AKT3: variants seen among roughly 807,000 people sequenced by gnomAD.
The protein encoded by AKT3 is RAC-gamma serine/threonine-protein kinase.
In AKT3, 15 loss-of-function variants were observed where a neutral mutation model predicts 65.3. The ratio of observed to expected loss-of-function variants is 0.23; its 90% CI spans 0.15 to 0.35. The LOEUF is 0.35. Among genes scored for constraint, AKT3 ranks in the 10% least tolerant of loss-of-function variants. The pLI, the probability that AKT3 is intolerant of heterozygous loss-of-function variation, is 1.00. For missense variants in AKT3, 243 were observed against 576.5 expected (o/e 0.42, Z 5.92); for synonymous variants, 206 against 183.8 (o/e 1.12, Z -0.98).
intron 2 of AKT3, among the ~76,000 whole-genome samples, chr1:243,760,545 T>TA (rs550342211): frequency 2.2e-4 from 33 of 152,282 alleles, no homozygotes; most frequent in Middle Eastern, 3.4e-3. Context: ...TTATTTGTGA[T>TA]AAAAAATCTG....
chr1:243,578,461 C>T (rs1164576659), intron 8 of AKT3, among the ~76,000 whole-genome samples: 3 of 152,278 alleles, frequency 2.0e-5, no homozygotes, highest in African/African-American at 4.8e-5. Context: ...CTTGTTCTCA[C>T]TCATAAGTGG....
rs145548374 is a variant in AKT3, at chr1:243,698,338, T to G, written c.47-2622A>C. 1.5e-3 allele frequency among the ~76,000 whole-genome samples: 230 copies of G among 152,070 alleles called. 1 individual carries two copies. The highest frequency in any genetic ancestry group is 5.3e-3 in the African/African-American group (222 of 41,564). On this transcript the variant is annotated intron_variant, in intron 2 of 13. Coordinates refer to ENST00000673466, the MANE Select transcript of AKT3 (RefSeq NM_005465.7). Reference sequence around the variant, plus strand: ...AAATGAATCAGATCCATTTGAAAAATACAAAAGAAAACACGGAATAACACC... The same window carrying G: ...AAATGAATCAGATCCATTTGAAAAAGACAAAAGAAAACACGGAATAACACC...
At chr1:243,725,225 G>C (rs1687138864) in intron 2 of AKT3, among the ~76,000 whole-genome samples, 1 of 151,718 alleles carries the variant, frequency 6.6e-6, no homozygotes, top group Non-Finnish European at 1.5e-5. Context: ...AAAAAGAAAT[G>C]AAACTGCAAT....
chr1:243,790,936 C>T lies in AKT3; in HGVS notation c.46+52189G>A, dbSNP rs550585939. 1.4e-3 allele frequency among the ~76,000 whole-genome samples: 209 copies of T among 152,226 alleles called. 1 individual carries two copies. The highest frequency in any genetic ancestry group is 2.4e-3 in the Admixed American group (37 of 15,276). ...TGCCCCAAAACAATTACAACAGTAA[C>T]ATCAAAGATCACTGATCATAGGTCA... is the stretch of plus-strand genomic sequence containing the variant. On this transcript the variant is annotated intron_variant, in intron 2 of 13. Coordinates refer to ENST00000673466, the MANE Select transcript of AKT3 (RefSeq NM_005465.7).
chr1:243,763,150 G>A (rs747383980), intron 2 of AKT3, among the ~76,000 whole-genome samples: 2 of 151,778 alleles, frequency 1.3e-5, no homozygotes, highest in Non-Finnish European at 2.9e-5. Context: ...ACTGAAATTC[G>A]CATACATTTT....
At chr1:243,807,599 C>T (rs1692825532) in intron 2 of AKT3, among the ~76,000 whole-genome samples, 4 of 152,230 alleles carry the variant, frequency 2.6e-5, no homozygotes, top group African/African-American at 9.6e-5. Flanking sequence ...TAGACTCCAC[C>T]TCTGGGGGCA....
intron 6 of AKT3, among the ~76,000 whole-genome samples, chr1:243,636,915 AG>A (rs1680015559): frequency 6.6e-6 from 1 of 152,166 alleles, no homozygotes; most frequent in East Asian, 1.9e-4. Flanking sequence ...AATACACTCC[AG>A]ATGAGGAAAC....
chr1:243,523,653 C>A (rs1216492685), intron 12 of AKT3, among the ~76,000 whole-genome samples: 1 of 152,132 alleles, frequency 6.6e-6, no homozygotes, highest in South Asian at 2.1e-4. Context: ...TCAACCACCA[C>A]CCAATTAATT....
intron 2 of AKT3, among the ~76,000 whole-genome samples, chr1:243,810,078 C>G (rs560727935): frequency 1.6e-4 from 24 of 152,126 alleles, no homozygotes; most frequent in Non-Finnish European, 2.9e-4. Flanking sequence ...CAAGAGAAAG[C>G]AGGAAAGATC....
intron 8 of AKT3, among the ~76,000 whole-genome samples, chr1:243,585,790 G>A (rs1191158213): frequency 2.0e-5 from 3 of 152,044 alleles, no homozygotes; most frequent in Non-Finnish European, 4.4e-5. Context: ...AAGAATCCTA[G>A]AAGAAAATCT....
intron 6 of AKT3, among the ~76,000 whole-genome samples, chr1:243,633,370 CTGTAAGT>C (rs1679748484): frequency 6.6e-6 from 1 of 152,116 alleles, no homozygotes; most frequent in Non-Finnish European, 1.5e-5. Context: ...GCTAGTATTA[CTGTAAGT>C]TTGTGTTGTA....
chr1:243,556,938 T>G (rs932870925), intron 10 of AKT3, among the ~76,000 whole-genome samples: 1 of 152,170 alleles, frequency 6.6e-6, no homozygotes. Flanking sequence ...ATATATTTTA[T>G]AACTATTTCT....
At chr1:243,518,008 T>G (rs1371747145) in intron 12 of AKT3, among the ~76,000 whole-genome samples, 1 of 152,226 alleles carries the variant, frequency 6.6e-6, no homozygotes, top group Non-Finnish European at 1.5e-5. Context: ...GTGTACCTTT[T>G]TAGAGATCAG....
intron 5 of AKT3, among the ~76,000 whole-genome samples, chr1:243,643,940 CA>C (rs1680623170): frequency 6.6e-6 from 1 of 152,112 alleles, no homozygotes; most frequent in Admixed American, 6.5e-5. Flanking sequence ...ATGAAAATGA[CA>C]GTAATATTTT....
Position 243,850,065 on chromosome 1 carries a change from G to A in AKT3, c.-138C>T. On this transcript the variant is annotated 5_prime_UTR_variant, in exon 1 of 14. Coordinates refer to ENST00000673466, the MANE Select transcript of AKT3 (RefSeq NM_005465.7). Reference sequence around the variant, plus strand: ...CTGCAACGGCGGCGGCGGCGGTGGCGGCCCCGCAGCTGCTCGGGCGGCGGC... The same window carrying A: ...CTGCAACGGCGGCGGCGGCGGTGGCAGCCCCGCAGCTGCTCGGGCGGCGGC... 1.0e-6 allele frequency: 1 copy of A among 973,656 alleles called. No individual in the cohort carries two copies. The highest frequency in any genetic ancestry group is 1.2e-6 in the Non-Finnish European group (1 of 821,184). The allele number at this position is 973,656 out of a possible 1,614,324, so 60.3% of individuals were successfully genotyped here. A position where few individuals can be genotyped will look rare whatever the true frequency, so the allele number is the denominator to read the frequency against.
chr1:243,516,476 G>C (rs1670362297), intron 12 of AKT3, among the ~76,000 whole-genome samples: 2 of 151,966 alleles, frequency 1.3e-5, no homozygotes, highest in African/African-American at 4.8e-5. Context: ...CTATTTCATT[G>C]ATTGCTATCC....
At chr1:243,639,891 C>G (rs549767371) in intron 5 of AKT3, among the ~76,000 whole-genome samples, 12 of 152,270 alleles carry the variant, frequency 7.9e-5, no homozygotes, top group African/African-American at 2.9e-4. Context: ...AGCCAAGAAC[C>G]CATGTGGTCT....
At chr1:243,620,261 G>A (rs774306738) in intron 6 of AKT3, among the ~76,000 whole-genome samples, 2 of 98,260 alleles carry the variant, frequency 2.0e-5, no homozygotes, top group Non-Finnish European at 2.8e-5. Context: ...CTTCCATCAT[G>A]ACTGTAAGTT....
At chr1:243,552,679 A>G in intron 11 of AKT3, 50 bp downstream of exon 11, 1 of 1,531,566 alleles carries the variant, frequency 6.5e-7, no homozygotes, top group African/African-American at 1.4e-5. Flanking sequence ...CCATATCTCA[A>G]TTTTTAACCA....
Sources: gnomAD v4.1 joint callset for allele counts (sites outside exome capture counted in the v4.1 genomes callset) on GRCh38, gnomAD v4.1.1 for gene constraint, MANE v1.5 for transcripts, NCBI Gene and HGNC (gene_info 2026-07-23, HGNC 2026-07-21) for gene names.